ABCD3: variants seen among roughly 807,000 people sequenced by gnomAD.
ABCD3 encodes ATP binding cassette subfamily D member 3, also known as ATP-binding cassette sub-family D member 3.
A neutral mutation model predicts 105.5 loss-of-function variants in ABCD3; 41 were observed. The observed-to-expected ratio is 0.39, with a 90% CI of 0.30 to 0.50. The LOEUF is 0.50. ABCD3 is among the 20% of genes least tolerant of loss of function. The probability of loss-of-function intolerance (pLI) is 0.84; values close to 1 mark genes in which losing one functional copy is unlikely to be tolerated. For synonymous variants in ABCD3, 258 were observed against 269.0 expected, an observed-to-expected ratio of 0.96 and a Z score of 0.40; for missense variants, 622 against 806.3, an observed-to-expected ratio of 0.77 and a Z score of 2.77.
the ABCD3 span, among the ~76,000 whole-genome samples, chr1:94,392,663 C>A: frequency 6.6e-6 from 1 of 152,090 alleles, no homozygotes; most frequent in Non-Finnish European, 1.5e-5. Flanking sequence ...GATGCGGGTT[C>A]AATGGAAGAG....
chr1:94,452,464 G>A (rs755183751), intron 1 of ABCD3, among the ~76,000 whole-genome samples: 9 of 151,890 alleles, frequency 5.9e-5, no homozygotes, highest in South Asian at 2.1e-4. Context: ...AGTGTGCCTC[G>A]TGGCAGGAGA....
In ABCD3 at chr1:94,433,868, C is replaced by T. The variant is rs12078356; in HGVS notation, c.110+15280C>T. 7.9e-3 allele frequency among the ~76,000 whole-genome samples: 1,198 copies of T among 151,062 alleles called. 21 individuals are homozygous for T. Among genetic ancestry groups the T allele is most frequent in the African/African-American group, 0.027 (1,111 of 41,122 alleles). Reference sequence around the variant, plus strand: ...TTTGCCATGTTGGCCAGGCTAGTCTCGAACTCCTGGCCTCAAGTGATCTGC... The same window carrying T: ...TTTGCCATGTTGGCCAGGCTAGTCTTGAACTCCTGGCCTCAAGTGATCTGC... On this transcript the variant is annotated intron_variant, in intron 1 of 22. Coordinates refer to ENST00000370214, the MANE Select transcript of ABCD3 (RefSeq NM_002858.4).
At chr1:94,482,030 A>T (rs1649052371) in intron 9 of ABCD3, 1 of 152,142 alleles carries the variant, frequency 6.6e-6, no homozygotes, top group South Asian at 2.1e-4. Context: ...ATCCTTTCAG[A>T]TTTTTCATTA....
chr1:94,509,037 T>TGA (rs1208371048), intron 21 of ABCD3, among the ~76,000 whole-genome samples: 1 of 152,154 alleles, frequency 6.6e-6, no homozygotes, highest in Non-Finnish European at 1.5e-5. Flanking sequence ...ATAGGAGTGG[T>TGA]GAGAGAGGGC....
At position 94,484,446 on chromosome 1, in the gene ABCD3, ACTATG is replaced by A; in HGVS notation, c.897+1209_897+1213del. Among the ~76,000 whole-genome samples, 3 of 152,382 alleles carry A rather than the reference ACTATG, an allele frequency of 2.0e-5. 1 individual carries two copies. The highest frequency in any genetic ancestry group is 6.8e-3 in the Middle Eastern group (2 of 294). On this transcript the variant is annotated intron_variant, in intron 10 of 22. Coordinates refer to ENST00000370214, the MANE Select transcript of ABCD3 (RefSeq NM_002858.4). ...ATGTGGCACATATACACCATGGAATACTATGCAGCCATAAAAATTATGAGTTCATG... is the reference window on the plus strand; with the variant it reads ...ATGTGGCACATATACACCATGGAATACAGCCATAAAAATTATGAGTTCATG...
chr1:94,514,798 A>G (rs1650849905), intron 21 of ABCD3: 2 of 268,078 alleles, frequency 7.5e-6, no homozygotes, highest in Non-Finnish European at 1.4e-5. Flanking sequence ...CAACAATGCT[A>G]TACTGATTTA....
chr1:94,492,956 G>A (rs755005591), intron 16 of ABCD3, among the ~76,000 whole-genome samples: 14 of 151,990 alleles, frequency 9.2e-5, no homozygotes, highest in East Asian at 3.8e-4. Context: ...GACTTCTGTC[G>A]TTTCTATAAT....
chr1:94,412,181 A>G, the ABCD3 span, among the ~76,000 whole-genome samples: 1 of 152,134 alleles, frequency 6.6e-6, no homozygotes, highest in African/African-American at 2.4e-5. Context: ...AATTTTTTTG[A>G]TGTAATAGGT....
At chr1:94,500,795 T>G (rs1297905425) in intron 20 of ABCD3, among the ~76,000 whole-genome samples, 1 of 152,124 alleles carries the variant, frequency 6.6e-6, no homozygotes, top group Non-Finnish European at 1.5e-5. Context: ...TGGCTAGTGC[T>G]ATAACGTGAG....
chr1:94,462,710 A>G (rs1161181473), intron 2 of ABCD3, among the ~76,000 whole-genome samples: 1 of 152,170 alleles, frequency 6.6e-6, no homozygotes, highest in Non-Finnish European at 1.5e-5. Flanking sequence ...TAGAGTAGCT[A>G]GAAACAGGTG....
At chr1:94,405,489 A>T in the ABCD3 span, among the ~76,000 whole-genome samples, 1 of 152,078 alleles carries the variant, frequency 6.6e-6, no homozygotes, top group African/African-American at 2.4e-5. Context: ...TTTTTAGTAC[A>T]GACAGGGTTT....
At chr1:94,438,807 A>T (rs142628010) in intron 1 of ABCD3, among the ~76,000 whole-genome samples, 7 of 152,110 alleles carry the variant, frequency 4.6e-5, no homozygotes, top group Admixed American at 3.3e-4. Context: ...ATGTCATTGG[A>T]TACTTGAGAG....
intron 21 of ABCD3, among the ~76,000 whole-genome samples, chr1:94,511,764 T>C (rs1219368998): frequency 1.3e-5 from 2 of 152,132 alleles, no homozygotes; most frequent in East Asian, 3.9e-4. Context: ...ACTGATACCC[T>C]TTCTTCCAGT....
At chr1:94,412,315 T>C in the ABCD3 span, among the ~76,000 whole-genome samples, 1 of 152,182 alleles carries the variant, frequency 6.6e-6, no homozygotes, top group African/African-American at 2.4e-5. Flanking sequence ...ATGAGTATTT[T>C]TCCAAAGATA....
At chr1:94,403,696 T>A in the ABCD3 span, among the ~76,000 whole-genome samples, 1 of 152,236 alleles carries the variant, frequency 6.6e-6, no homozygotes, top group Non-Finnish European at 1.5e-5. Flanking sequence ...GTGTACAAAT[T>A]ATCTCAGGTT....
chr1:94,478,320 GTC>G lies in ABCD3; in HGVS notation c.684+7_684+8del, dbSNP rs770684043. On this transcript the variant is annotated splice_donor_region_variant and intron_variant, in intron 8 of 22. Coordinates refer to ENST00000370214, the MANE Select transcript of ABCD3 (RefSeq NM_002858.4). ...ACGAGTGCAATTGGAGCTCAGGTGAGTCTGCTTTTATTTCAACTTTTAAATTG... is the reference window on the plus strand; with the variant it reads ...ACGAGTGCAATTGGAGCTCAGGTGAGTGCTTTTATTTCAACTTTTAAATTG... The G allele has an allele frequency of 4.4e-6, 7 of 1,597,082 alleles. No homozygotes were observed. The African/African-American group carries it at 8.1e-5, about 18-fold the overall frequency.
intron 4 of ABCD3, chr1:94,472,286 G>T (rs1255625704): frequency 1.1e-6 from 1 of 892,252 alleles, no homozygotes; most frequent in African/African-American, 1.8e-5. Flanking sequence ...GTGTTTCACA[G>T]CTTGGGCAGC....
At chr1:94,390,093 C>T in the ABCD3 span, among the ~76,000 whole-genome samples, 1 of 152,132 alleles carries the variant, frequency 6.6e-6, no homozygotes, top group African/African-American at 2.4e-5. Flanking sequence ...CTCACCAGAT[C>T]AATAGCAGCA....
Position 94,480,592 on chromosome 1 carries a change from G to A in ABCD3, c.813G>A (p.Arg271=). The change falls in exon 9 of 23, where the codon CGG becomes CGA. Residue 271 remains arginine (R), a synonymous_variant. Transcript: ENST00000370214. ...YEGEYRYVNS[R]LITNSEEIAF... The stretch of plus-strand genomic sequence containing the variant: ...GAGAATATAGATATGTTAATTCTCG[G>A]CTCATCACAAACAGGTAAAGACAAA... 6.2e-7 allele frequency: 1 copy of A among 1,613,674 alleles called. No individual in the cohort carries two copies. The highest frequency in any genetic ancestry group is 1.1e-5 in the South Asian group (1 of 91,076).
Sources: allele counts gnomAD v4.1 joint callset (sites outside exome capture counted in the v4.1 genomes callset), GRCh38; gene constraint gnomAD v4.1.1; transcripts MANE v1.5; gene names NCBI Gene and HGNC (gene_info 2026-07-23, HGNC 2026-07-21).